The following ROBO1 variants were observed in gnomAD, a reference collection of about 807,000 sequenced individuals.
ROBO1 encodes roundabout guidance receptor 1.
ROBO1 carries 149 observed loss-of-function variants against 195.9 expected under a neutral mutation model. The observed-to-expected ratio is 0.76, with a 90% CI of 0.67 to 0.87. ROBO1 has a LOEUF of 0.87. Among genes scored for constraint, ROBO1 ranks in the 40% least tolerant of loss-of-function variants. The probability of loss-of-function intolerance (pLI) is 0.00; values close to 1 mark genes in which losing one functional copy is unlikely to be tolerated. For synonymous variants in ROBO1, 816 were observed against 733.2 expected (o/e 1.11, Z -1.82); for missense variants, 1,933 against 2,068.3 (o/e 0.93, Z 1.27).
chr3:79,120,984 G>T (rs1349320512), intron 3 of ROBO1, among the ~76,000 whole-genome samples: 1 of 152,092 alleles, frequency 6.6e-6, no homozygotes, highest in African/African-American at 2.4e-5. Flanking sequence ...ATGCCCAAAT[G>T]TAGCTTATAG....
intron 3 of ROBO1, among the ~76,000 whole-genome samples, chr3:78,962,059 T>C (rs2041379435): frequency 6.6e-6 from 1 of 152,212 alleles, no homozygotes; most frequent in East Asian, 1.9e-4. Context: ...AACCCTCACA[T>C]TTTCCAAACA....
intron 4 of ROBO1, 100 bp downstream of exon 4, chr3:78,938,501 A>C: frequency 3.7e-4 from 312 of 839,516 alleles, no homozygotes; most frequent in Non-Finnish European, 5.0e-4. Flanking sequence ...ATCCTCAGGT[A>C]AGGCCTGAGA....
At chr3:79,464,240 T>G (rs1259118809) in intron 2 of ROBO1, among the ~76,000 whole-genome samples, 1 of 152,184 alleles carries the variant, frequency 6.6e-6, no homozygotes, top group African/African-American at 2.4e-5. Flanking sequence ...TGTGTAAAAG[T>G]TTTTTGTGTA....
In ROBO1 at chr3:79,283,986, C is replaced by T. The variant is rs561806566; in HGVS notation, c.89-158447G>A. On this transcript the variant is annotated intron_variant, in intron 2 of 30. Transcript: ENST00000464233. ...TGCTGGGATTACAGGCGTGAGCCAC[C>T]GCGCCCGGCCTATCCATGAATTCTT... Among the ~76,000 whole-genome samples the T allele has an allele frequency of 3.3e-5, 5 of 152,068 alleles. No individual in the cohort carries two copies. In the South Asian group the frequency reaches 6.2e-4, roughly 19 times the overall value.
intron 4 of ROBO1, among the ~76,000 whole-genome samples, chr3:78,781,354 C>T (rs916709475): frequency 1.3e-5 from 2 of 152,158 alleles, no homozygotes; most frequent in East Asian, 3.8e-4. Flanking sequence ...TTAACTCTAA[C>T]ATTTAATTCT....
chr3:79,406,028 A>C (rs533963753), intron 2 of ROBO1, among the ~76,000 whole-genome samples: 28 of 152,250 alleles, frequency 1.8e-4, no homozygotes, highest in African/African-American at 6.7e-4. Flanking sequence ...TTCATCTTTA[A>C]AAATTTATTT....
rs553405340 is a variant in ROBO1 at position 78,945,797 on chromosome 3, G to C, written c.173-6870C>G. The stretch of plus-strand genomic sequence containing the variant: ...AAAATATTAGATGAATGGATAACTA[G>C]AAGAACCAATACAGAGAAGTCCTTA... On this transcript the variant is annotated intron_variant, in intron 3 of 30. Coordinates refer to ENST00000464233, the MANE Select transcript of ROBO1 (RefSeq NM_002941.4). 7.9e-5 allele frequency among the ~76,000 whole-genome samples: 12 copies of C among 152,208 alleles called. No individual in the cohort carries two copies. In the South Asian group the frequency reaches 2.5e-3, roughly 32 times the overall value.
chr3:79,119,452 C>T (rs1235946243), intron 3 of ROBO1, among the ~76,000 whole-genome samples: 1 of 152,126 alleles, frequency 6.6e-6, no homozygotes, highest in South Asian at 2.1e-4. Context: ...ATTTCTGTCT[C>T]ATTTGCTTGC....
chr3:79,220,184 T>C (rs898660893), intron 2 of ROBO1, among the ~76,000 whole-genome samples: 6 of 152,096 alleles, frequency 3.9e-5, no homozygotes, highest in African/African-American at 1.4e-4. Flanking sequence ...TCTATTATTG[T>C]AGGTATTTAT....
chr3:79,372,666 A>C (rs1458817178), intron 2 of ROBO1, among the ~76,000 whole-genome samples: 1 of 152,208 alleles, frequency 6.6e-6, no homozygotes. Flanking sequence ...GAAGCTGGCC[A>C]TCCACAAGCC....
intron 2 of ROBO1, among the ~76,000 whole-genome samples, chr3:79,206,279 T>C (rs1278758940): frequency 6.6e-6 from 1 of 152,248 alleles, no homozygotes; most frequent in African/African-American, 2.4e-5. Flanking sequence ...TTATTTTACT[T>C]AATAAAAATA....
intron 2 of ROBO1, among the ~76,000 whole-genome samples, chr3:79,262,374 A>T (rs907484088): frequency 2.0e-5 from 3 of 152,120 alleles, no homozygotes; most frequent in Non-Finnish European, 4.4e-5. Flanking sequence ...TTTGGTAGAT[A>T]ACTTTAAGTG....
At position 78,802,717 on chromosome 3, in the gene ROBO1, CATCAT is replaced by C. The variant is rs2084406666; in HGVS notation, c.500-55822_500-55818del. Among the ~76,000 whole-genome samples, 4 of 138,826 alleles carry C rather than the reference CATCAT, an allele frequency of 2.9e-5. No individual in the cohort carries two copies. In the South Asian group the frequency reaches 6.6e-4, roughly 23 times the overall value. The allele number at this position is 138,826 out of a possible 152,430, so 91.1% of individuals were successfully genotyped here. A position where few individuals can be genotyped will look rare whatever the true frequency, so the allele number is the denominator to read the frequency against. On this transcript the variant is annotated intron_variant, in intron 4 of 30. Coordinates refer to ENST00000464233, the MANE Select transcript of ROBO1 (RefSeq NM_002941.4). ...GGAGCCTGCGGTCTAGCATCATCATCATCATCATCATCATCATCATCATCATCATC... is the reference window on the plus strand; with the variant it reads ...GGAGCCTGCGGTCTAGCATCATCATCCATCATCATCATCATCATCATCATC...
rs185079544 is a variant in ROBO1 at position 78,763,988 on chromosome 3, T to C, written c.500-17088A>G. ...GATTACGTGTCAAACGATTTTATTT[T>C]AGTTAGATGGAGGGCTGCAAATAGA... is the stretch of plus-strand genomic sequence containing the variant. On this transcript the variant is annotated intron_variant, in intron 4 of 30. Transcript: ENST00000464233. Among the ~76,000 whole-genome samples, 36 of 152,286 alleles carry C rather than the reference T, an allele frequency of 2.4e-4. No homozygotes were observed. In the East Asian group the frequency reaches 6.9e-3, roughly 29 times the overall value.
intron 1 of ROBO1, among the ~76,000 whole-genome samples, chr3:79,725,220 CTTCTTTT>C (rs1702863911): frequency 9.9e-6 from 1 of 101,448 alleles, no homozygotes; most frequent in African/African-American, 3.6e-5. Flanking sequence ...CATCTCTCTT[CTTCTTTT>C]TTTTTTTTTT....
At chr3:78,959,624 A>G (rs2041234876) in intron 3 of ROBO1, among the ~76,000 whole-genome samples, 1 of 152,226 alleles carries the variant, frequency 6.6e-6, no homozygotes, top group African/African-American at 2.4e-5. Context: ...ATATAAGTAT[A>G]GTAGACAAGG....
At chr3:78,933,978 TTTAA>T (rs1261906848) in intron 4 of ROBO1, among the ~76,000 whole-genome samples, 3 of 151,956 alleles carry the variant, frequency 2.0e-5, no homozygotes, top group Non-Finnish European at 4.4e-5. Flanking sequence ...TTTAAATAAA[TTTAA>T]TTAATGAAGC....
chr3:78,726,307 A>AT (rs1376117503), intron 5 of ROBO1, among the ~76,000 whole-genome samples: 1 of 152,160 alleles, frequency 6.6e-6, no homozygotes, highest in African/African-American at 2.4e-5. Context: ...TACAGATAAG[A>AT]CACACATAGG....
intron 2 of ROBO1, among the ~76,000 whole-genome samples, chr3:79,189,062 C>A (rs1331978027): frequency 6.6e-6 from 1 of 151,690 alleles, no homozygotes; most frequent in African/African-American, 2.4e-5. Flanking sequence ...GCCTCAAGAA[C>A]TAAACACATA....
Sources: gnomAD v4.1 joint callset for allele counts (sites outside exome capture counted in the v4.1 genomes callset) on GRCh38, gnomAD v4.1.1 for gene constraint, MANE v1.5 for transcripts, NCBI Gene and HGNC (gene_info 2026-07-23, HGNC 2026-07-21) for gene names.